The following THSD7B variants were observed in gnomAD, a reference collection of about 807,000 sequenced individuals.
The protein encoded by THSD7B is thrombospondin type 1 domain containing 7B, also known as thrombospondin type-1 domain-containing protein 7B.
THSD7B carries 138 observed loss-of-function variants against 213.6 expected under a neutral mutation model. The observed-to-expected ratio is 0.65, with a 90% CI of 0.56 to 0.74. The LOEUF is 0.74. THSD7B is among the 30% of genes least tolerant of loss of function. The probability of loss-of-function intolerance (pLI) is 0.00; values close to 1 mark genes in which losing one functional copy is unlikely to be tolerated. For missense variants in THSD7B, 1,931 were observed against 1,991.5 expected, an observed-to-expected ratio of 0.97 and a Z score of 0.58; for synonymous variants, 742 against 687.0, an observed-to-expected ratio of 1.08 and a Z score of -1.25.
chr2:137,560,434 C>T (rs1681086441), intron 15 of THSD7B, among the ~76,000 whole-genome samples: 1 of 152,034 alleles, frequency 6.6e-6, no homozygotes, highest in Admixed American at 6.6e-5. Context: ...AAGCTGGAAA[C>T]CATCATTCTC....
chr2:137,071,468 G>C (rs1365085631), intron 3 of THSD7B, among the ~76,000 whole-genome samples: 1 of 152,186 alleles, frequency 6.6e-6, no homozygotes, highest in Non-Finnish European at 1.5e-5. Context: ...CCCTTTGTCA[G>C]ATGAGTAGAT....
intron 1 of THSD7B, among the ~76,000 whole-genome samples, chr2:136,774,911 A>G (rs1260831061): frequency 6.6e-6 from 1 of 152,134 alleles, no homozygotes; most frequent in Non-Finnish European, 1.5e-5. Flanking sequence ...AAACGAATGT[A>G]AAGTCCAAGA....
At chr2:137,312,342 C>T (rs941845011) in intron 12 of THSD7B, among the ~76,000 whole-genome samples, 12 of 151,752 alleles carry the variant, frequency 7.9e-5, no homozygotes, top group South Asian at 4.2e-4. Context: ...TCTGTGGGAT[C>T]GGTGGTGATA....
intron 3 of THSD7B, among the ~76,000 whole-genome samples, chr2:137,069,732 T>C (rs1687445546): frequency 6.6e-6 from 1 of 151,906 alleles, no homozygotes; most frequent in Non-Finnish European, 1.5e-5. Flanking sequence ...CTATTCCTCC[T>C]TAAACATAAA....
intron 11 of THSD7B, among the ~76,000 whole-genome samples, chr2:137,274,086 A>G (rs1196160380): frequency 6.6e-6 from 1 of 152,022 alleles, no homozygotes; most frequent in African/African-American, 2.4e-5. Context: ...TTCCCCAAAA[A>G]TCAGTTCTAC....
chr2:137,610,962 C>T (rs887789637), intron 17 of THSD7B, among the ~76,000 whole-genome samples: 9 of 148,406 alleles, frequency 6.1e-5, no homozygotes, highest in Non-Finnish European at 1.0e-4. Context: ...GGTACATGTG[C>T]ACTACATGTA....
At chr2:136,894,365 A>G (rs1683914724) in intron 2 of THSD7B, among the ~76,000 whole-genome samples, 1 of 152,210 alleles carries the variant, frequency 6.6e-6, no homozygotes, top group Non-Finnish European at 1.5e-5. Context: ...AGGAGCTGAC[A>G]CTACATACAA....
intron 7 of THSD7B, among the ~76,000 whole-genome samples, chr2:137,203,679 G>A (rs1163938820): frequency 6.6e-6 from 1 of 151,938 alleles, no homozygotes; most frequent in Non-Finnish European, 1.5e-5. Context: ...TGACATTGGG[G>A]ACTTCAAAAC....
In THSD7B at chr2:137,490,594, CA is replaced by C. The variant is rs762228971; in HGVS notation, c.3138+39572del. On this transcript the variant is annotated intron_variant, in intron 15 of 27. Coordinates refer to ENST00000409968, the MANE Select transcript of THSD7B (RefSeq NM_001316349.2). ...CCCCATCAGAGTGCTACATTTTTTA[CA>C]GCTGGTGAAACTACATTGACACAAA... Among the ~76,000 whole-genome samples the C allele has an allele frequency of 3.6e-4, 55 of 152,314 alleles. 1 individual carries two copies. In the East Asian group the frequency reaches 0.01, roughly 28 times the overall value.
At chr2:136,987,959 G>A (rs1305263102) in intron 2 of THSD7B, among the ~76,000 whole-genome samples, 1 of 152,136 alleles carries the variant, frequency 6.6e-6, no homozygotes, top group African/African-American at 2.4e-5. Context: ...GAAGGTCAGG[G>A]AAAATCAGCT....
At chr2:137,557,931 A>C (rs1484804234) in intron 15 of THSD7B, among the ~76,000 whole-genome samples, 1 of 152,234 alleles carries the variant, frequency 6.6e-6, no homozygotes, top group African/African-American at 2.4e-5. Flanking sequence ...AATACTATAA[A>C]CACCTCTATG....
At chr2:137,447,339 A>C (rs917559899) in intron 14 of THSD7B, among the ~76,000 whole-genome samples, 3 of 152,178 alleles carry the variant, frequency 2.0e-5, no homozygotes, top group African/African-American at 7.2e-5. Flanking sequence ...CTACATAGAC[A>C]TTCAAACATT....
chr2:137,461,778 A>G (rs1407058808), intron 15 of THSD7B, among the ~76,000 whole-genome samples: 3 of 152,114 alleles, frequency 2.0e-5, no homozygotes, highest in Non-Finnish European at 2.9e-5. Flanking sequence ...ACATGCTCAA[A>G]TAACCATGCT....
intron 2 of THSD7B, among the ~76,000 whole-genome samples, chr2:137,051,738 T>TAG (rs1399267846): frequency 6.6e-6 from 1 of 152,178 alleles, no homozygotes; most frequent in Non-Finnish European, 1.5e-5. Context: ...CATCTCTTCT[T>TAG]ATTGCATGCA....
chr2:137,308,291 G>A (rs939677072), intron 12 of THSD7B, among the ~76,000 whole-genome samples: 2 of 151,990 alleles, frequency 1.3e-5, no homozygotes, highest in Admixed American at 6.6e-5. Flanking sequence ...AGTGTGTGAT[G>A]ATTTTACCGG....
chr2:137,486,182 T>A (rs1488284657), intron 15 of THSD7B, among the ~76,000 whole-genome samples: 2 of 152,116 alleles, frequency 1.3e-5, no homozygotes, highest in Non-Finnish European at 2.9e-5. Flanking sequence ...AATGCTCCAA[T>A]TAAAAGACAC....
chr2:137,022,818 A>ATATTTTAG (rs1391338422), intron 2 of THSD7B, among the ~76,000 whole-genome samples: 1 of 152,162 alleles, frequency 6.6e-6, no homozygotes, highest in Non-Finnish European at 1.5e-5. Flanking sequence ...CAGCTAGTAA[A>ATATTTTAG]TATTTTAGAT....
intron 6 of THSD7B, among the ~76,000 whole-genome samples, chr2:137,165,557 T>A (rs1451609271): frequency 6.6e-6 from 1 of 152,060 alleles, no homozygotes; most frequent in Non-Finnish European, 1.5e-5. Context: ...TCTGCCAGGA[T>A]CACTGAGTGG....
intron 1 of THSD7B, among the ~76,000 whole-genome samples, chr2:136,854,021 T>A (rs1683138622): frequency 6.6e-6 from 1 of 152,230 alleles, no homozygotes; most frequent in Non-Finnish European, 1.5e-5. Flanking sequence ...CACAACAGGA[T>A]GCTCTAGGCT....
Sources: allele counts gnomAD v4.1 joint callset (sites outside exome capture counted in the v4.1 genomes callset), GRCh38; gene constraint gnomAD v4.1.1; transcripts MANE v1.5; gene names NCBI Gene and HGNC (gene_info 2026-07-23, HGNC 2026-07-21).